FRMD8: variants seen among roughly 807,000 people sequenced by gnomAD.
FRMD8 encodes the protein FERM domain-containing protein 8.
A neutral mutation model predicts 54.2 loss-of-function variants in FRMD8; 37 were observed. The observed-to-expected ratio is 0.68, with a 90% CI of 0.53 to 0.90. The LOEUF is 0.90. Among genes scored for constraint, FRMD8 ranks in the 40% least tolerant of loss-of-function variants. FRMD8 has a pLI of 0.00. For synonymous variants in FRMD8, 246 were observed against 286.9 expected, an observed-to-expected ratio of 0.86 and a Z score of 1.44; for missense variants, 585 against 653.7, an observed-to-expected ratio of 0.89 and a Z score of 1.15.
the FRMD8 span, chr11:65,380,649 C>T: frequency 3.1e-6 from 4 of 1,272,664 alleles, no homozygotes; most frequent in Admixed American, 6.9e-5. Context: ...GGGGTCATGC[C>T]TGGGCACCTG....
At chr11:65,377,021 T>C in the FRMD8 span, 1 of 1,613,838 alleles carries the variant, frequency 6.2e-7, no homozygotes, top group Non-Finnish European at 8.5e-7. Flanking sequence ...GGCCCTTGGC[T>C]CTGTCTGGTT....
In FRMD8 at chr11:65,404,391, C is replaced by T. The variant is rs914432557; in HGVS notation, c.1072-473C>T. Reference sequence around the variant, plus strand: ...TGTCAGTGTGCCTCATGCTTCACACCTGTTGAGTAGGAGTCACTTTTGAAG... The same window carrying T: ...TGTCAGTGTGCCTCATGCTTCACACTTGTTGAGTAGGAGTCACTTTTGAAG... On this transcript the variant is annotated intron_variant, in intron 9 of 10. Coordinates refer to ENST00000317568, the MANE Select transcript of FRMD8 (RefSeq NM_031904.5). The surrounding 1 kb of genome is among the most constrained non-coding windows in gnomAD (Gnocchi z 4.7). Among the ~76,000 whole-genome samples, 2 of 152,190 alleles carry T rather than the reference C, an allele frequency of 1.3e-5. No homozygotes were observed. The highest frequency in any genetic ancestry group is 4.8e-5 in the African/African-American group (2 of 41,450).
At position 65,412,715 on chromosome 11, in the gene FRMD8, C is replaced by T. The variant is rs1459045924; in HGVS notation, c.*1355C>T. The stretch of plus-strand genomic sequence containing the variant: ...GGGCCTCTACTCCAAGTATCAGAGC[C>T]TGTTCACCCTCCTCCCTTTGGTAGC... On this transcript the variant is annotated 3_prime_UTR_variant, in exon 11 of 11. Coordinates refer to ENST00000317568, the MANE Select transcript of FRMD8 (RefSeq NM_031904.5). 6.6e-6 allele frequency: 1 copy of T among 152,258 alleles called. No individual in the cohort carries two copies. Among genetic ancestry groups the T allele is most frequent in the African/African-American group, 2.4e-5 (1 of 41,464 alleles). The allele number at this position is 152,258 out of a possible 1,614,324, so 9.4% of individuals were successfully genotyped here. A position where few individuals can be genotyped will look rare whatever the true frequency, so the allele number is the denominator to read the frequency against.
At chr11:65,376,277 G>C in the FRMD8 span, 1 of 1,187,076 alleles carries the variant, frequency 8.4e-7, no homozygotes, top group Non-Finnish European at 1.2e-6. Flanking sequence ...ATCTGCGCGG[G>C]TGGGAGGCAC....
chr11:65,383,792 A>G (rs1211091958), upstream of FRMD8: 1 of 146,052 alleles, frequency 6.8e-6, no homozygotes, highest in Admixed American at 6.8e-5. Flanking sequence ...CAAAAAAAAA[A>G]CCCTCCTGTC....
chr11:65,389,599 C>A, intron 3 of FRMD8, 71 bp downstream of exon 3: 10 of 1,451,966 alleles, frequency 6.9e-6, no homozygotes, highest in Non-Finnish European at 9.2e-6. Context: ...AGGGAGGGGG[C>A]AGTGTTTGGA....
At chr11:65,392,060 G>GT (rs1385285139) in intron 3 of FRMD8, among the ~76,000 whole-genome samples, 1 of 152,232 alleles carries the variant, frequency 6.6e-6, no homozygotes, top group Non-Finnish European at 1.5e-5. Context: ...TCTGGAGGGA[G>GT]TGGGGAGGCA....
chr11:65,393,433 A>T (rs1042971213), intron 3 of FRMD8, 140 bp from the exon 4 acceptor site: 1 of 628,138 alleles, frequency 1.6e-6, no homozygotes, highest in Non-Finnish European at 2.9e-6. Context: ...GTTATTGCAG[A>T]GTAAATGGCT....
At chr11:65,368,076 T>G in the FRMD8 span, 5 of 125,732 alleles carry the variant, frequency 4.0e-5, no homozygotes, top group Non-Finnish European at 6.6e-5. Context: ...GGTGTTTTTT[T>G]TTTTTGTTTT....
Position 65,404,969 on chromosome 11 carries a change from T to G in FRMD8, c.1177T>G (p.Ser393Ala). The change falls in exon 10 of 11, where the codon TCC (serine) becomes GCC (alanine). Residue 393 changes from serine (S) to alanine (A), a missense_variant. Ser to Ala is a moderately conservative substitution (Grantham distance 99). Transcript: ENST00000317568. This position sits in a 1 kb window ranked among gnomAD's most constrained non-coding sequence, Gnocchi z 4.7. ...SATGSPSDPSSSLAPVQRPKL... is the reference protein window; with the variant it reads ...SATGSPSDPSASLAPVQRPKL... The stretch of plus-strand genomic sequence containing the variant: ...GACTGGCTCGCCCTCGGACCCCAGC[T>G]CCTCACTGGCTCCTGTTCAGCGCCC... The G allele has an allele frequency of 1.2e-6, 2 of 1,613,176 alleles. No individual in the cohort carries two copies. The highest frequency in any genetic ancestry group is 1.7e-6 in the Non-Finnish European group (2 of 1,180,020).
At chr11:65,392,246 G>A (rs962374786) in intron 3 of FRMD8, among the ~76,000 whole-genome samples, 2 of 152,172 alleles carry the variant, frequency 1.3e-5, no homozygotes, top group Non-Finnish European at 2.9e-5. Flanking sequence ...TGTGGGCAAG[G>A]GGGCCCGTGT....
At chr11:65,379,079 G>A in the FRMD8 span, 126 of 410,230 alleles carry the variant, frequency 3.1e-4, no homozygotes, top group Admixed American at 7.2e-4. Flanking sequence ...ACAGCTCTGA[G>A]GCTGGCAGAC....
At position 65,400,743 on chromosome 11, in the gene FRMD8, G is replaced by A. The variant is rs147081910; in HGVS notation, c.947G>A (p.Arg316His). 2.5e-5 allele frequency: 40 copies of A among 1,601,144 alleles called. No individual in the cohort carries two copies. The highest frequency in any genetic ancestry group is 8.0e-5 in the African/African-American group (6 of 74,796). ...GGCCAGCATGTCCTGCTGGGCCTGCGCTTCCAGGAGCTGTCGTGGGACCAC... is the reference window on the plus strand; with the variant it reads ...GGCCAGCATGTCCTGCTGGGCCTGCACTTCCAGGAGCTGTCGTGGGACCAC... ...SREKHVLLGL[R>H]FQELSWDHTS... Residue 316 changes from arginine (R) to histidine (H), a missense_variant, in exon 9 of 11, where the codon CGC becomes CAC. Transcript: ENST00000317568. This position sits in a 1 kb window ranked among gnomAD's most constrained non-coding sequence, Gnocchi z 4.3.
chr11:65,377,491 T>C, the FRMD8 span: 1 of 871,028 alleles, frequency 1.1e-6, no homozygotes, highest in Non-Finnish European at 1.4e-6. Context: ...AAACCACCCT[T>C]TCCCAGGGTG....
chr11:65,400,835 G>A lies in FRMD8; in HGVS notation c.1039G>A (p.Val347Ile), dbSNP rs1051467527. The A allele has an allele frequency of 3.7e-6, 6 of 1,612,326 alleles. No individual in the cohort carries two copies. Among genetic ancestry groups the A allele is most frequent in the Non-Finnish European group, 5.1e-6 (6 of 1,179,360 alleles). The change falls in exon 9 of 11, where the codon GTC becomes ATC. Residue 347 changes from valine (V) to isoleucine (I), a missense_variant. Transcript: ENST00000317568. The surrounding 1 kb of genome is among the most constrained non-coding windows in gnomAD (Gnocchi z 4.3). ...EFDGDSEGTP[V>I]NKLLKIYSKQ... is the part of the protein sequence containing the mutation. ...CGACGGGGACAGCGAGGGCACACCTGTCAACAAGCTCCTCAAGATCTACTC... is the reference window on the plus strand; with the variant it reads ...CGACGGGGACAGCGAGGGCACACCTATCAACAAGCTCCTCAAGATCTACTC...
chr11:65,387,690 C>T (rs1855761437), intron 2 of FRMD8, among the ~76,000 whole-genome samples: 1 of 152,078 alleles, frequency 6.6e-6, no homozygotes, highest in Admixed American at 6.5e-5. Flanking sequence ...AGGCGCCCGC[C>T]ACCACGCCTG....
the FRMD8 span, among the ~76,000 whole-genome samples, chr11:65,371,245 C>A: frequency 1.3e-5 from 2 of 152,198 alleles, no homozygotes; most frequent in Admixed American, 1.3e-4. Flanking sequence ...CCTTTCCCTG[C>A]GCATGTAGCT....
chr11:65,394,231 C>T lies in FRMD8; in HGVS notation c.415-28C>T, dbSNP rs1478792244. 17 of 1,593,208 alleles carry T rather than the reference C, an allele frequency of 1.1e-5. No homozygotes were observed. The East Asian group carries it at 2.8e-4, about 26-fold the overall frequency. On this transcript the variant is annotated intron_variant, in intron 5 of 10. Transcript: ENST00000317568. The stretch of plus-strand genomic sequence containing the variant: ...CTCTCCCTGCCCCAGCCCAGCTGAG[C>T]GGCTGTCCCTGCCACACCCCCCTGC...
intron 10 of FRMD8, among the ~76,000 whole-genome samples, chr11:65,407,706 G>A (rs541555711): frequency 6.3e-4 from 96 of 151,822 alleles, no homozygotes; most frequent in Non-Finnish European, 1.2e-3. Context: ...CTGGCTAACA[G>A]GTGAAACCCT....
Sources: allele counts gnomAD v4.1 joint callset (sites outside exome capture counted in the v4.1 genomes callset), GRCh38; gene constraint gnomAD v4.1.1; non-coding constraint Gnocchi (gnomAD v3.1); transcripts MANE v1.5; gene names NCBI Gene and HGNC (gene_info 2026-07-23, HGNC 2026-07-21).